Variants in ORC5 observed in about 807,000 individuals in gnomAD.
ORC5 encodes protein phosphatase 1, regulatory subunit 117.
Under a neutral mutation model 58.8 loss-of-function variants are expected in ORC5, and 39 were observed. That is an observed-to-expected ratio of 0.66 (90% CI 0.51 to 0.87). ORC5 has a LOEUF of 0.87. Ranked by LOEUF, ORC5 falls within the 40% of genes least tolerant of loss-of-function variation. The probability of loss-of-function intolerance (pLI) is 0.00; values close to 1 mark genes in which losing one functional copy is unlikely to be tolerated. For synonymous variants in ORC5, 218 were observed against 177.6 expected (o/e 1.23, Z -1.81); for missense variants, 493 against 506.3 (o/e 0.97, Z 0.25).
chr7:104,131,745 G>A (rs1024789680), intron 13 of ORC5, among the ~76,000 whole-genome samples: 2 of 151,934 alleles, frequency 1.3e-5, no homozygotes, highest in Non-Finnish European at 2.9e-5. Context: ...CCAGCTACTC[G>A]GGAGGCTGAA....
chr7:104,200,737 T>G, intron 3 of ORC5, 21 bp downstream of exon 3: 1 of 1,379,914 alleles, frequency 7.2e-7, no homozygotes, highest in East Asian at 2.3e-5. Context: ...AGAGATGATC[T>G]AATCAAATGA....
chr7:104,147,193 T>C (rs1437207969), intron 12 of ORC5, among the ~76,000 whole-genome samples: 2 of 149,234 alleles, frequency 1.3e-5, no homozygotes, highest in Non-Finnish European at 3.0e-5. Flanking sequence ...AGGCAGATGA[T>C]TAGTTATGAC....
intron 6 of ORC5, among the ~76,000 whole-genome samples, chr7:104,186,101 A>G (rs900683001): frequency 6.6e-6 from 1 of 152,200 alleles, no homozygotes; most frequent in African/African-American, 2.4e-5. Flanking sequence ...TAATAACACT[A>G]AAGTGTCATA....
intron 3 of ORC5, among the ~76,000 whole-genome samples, chr7:104,199,195 T>G (rs537081065): frequency 5.9e-5 from 9 of 152,142 alleles, no homozygotes; most frequent in African/African-American, 2.2e-4. Flanking sequence ...CACTGCCTAG[T>G]GGAGCTATGA....
intron 8 of ORC5, among the ~76,000 whole-genome samples, chr7:104,171,100 T>C (rs1241823143): frequency 6.6e-6 from 1 of 152,210 alleles, no homozygotes; most frequent in East Asian, 1.9e-4. Flanking sequence ...TCTTTGTCCA[T>C]TTATTCTAAG....
At chr7:104,132,645 A>G (rs1055849483) in intron 13 of ORC5, among the ~76,000 whole-genome samples, 1 of 152,228 alleles carries the variant, frequency 6.6e-6, no homozygotes, top group Admixed American at 6.5e-5. Flanking sequence ...TATTTAGCAC[A>G]TACTAAGTTT....
chr7:104,165,607 G>T, intron 10 of ORC5: 1 of 197,480 alleles, frequency 5.1e-6, no homozygotes, highest in Non-Finnish European at 1.0e-5. Flanking sequence ...CCAGAGATAT[G>T]GATTTTTATT....
chr7:104,201,054 A>G (rs1799931362), intron 2 of ORC5, 96 bp from the exon 3 acceptor site: 1 of 1,037,566 alleles, frequency 9.6e-7, no homozygotes, highest in East Asian at 2.6e-5. Flanking sequence ...TTCTAAATCT[A>G]TATCCCACCA....
In ORC5 at chr7:104,137,108, T is replaced by G. The variant is rs1236279227; in HGVS notation, c.1150-215A>C. Reference sequence around the variant, plus strand: ...TTGTCAGAGTCCTAGTTTTGTTTTTTTTTTTTTTCTTAGAGATATGGTCTC... The same window carrying G: ...TTGTCAGAGTCCTAGTTTTGTTTTTGTTTTTTTTCTTAGAGATATGGTCTC... On this transcript the variant is annotated intron_variant, in intron 12 of 13. Transcript: ENST00000297431. Among the ~76,000 whole-genome samples the G allele has an allele frequency of 4.6e-5, 7 of 151,638 alleles. 1 individual carries two copies. In the South Asian group the frequency reaches 1.3e-3, roughly 27 times the overall value.
chr7:104,207,976 G>C lies in ORC5; in HGVS notation c.-72C>G, dbSNP rs997423491. ...CCTTGCACAAGACGGAGCCTCTCCCGAGTCTGGCGGCCCACGCTCCCGCCG... is the reference window on the plus strand; with the variant it reads ...CCTTGCACAAGACGGAGCCTCTCCCCAGTCTGGCGGCCCACGCTCCCGCCG... On this transcript the variant is annotated 5_prime_UTR_variant, in exon 1 of 14. Coordinates refer to ENST00000297431, the MANE Select transcript of ORC5 (RefSeq NM_002553.4). 1.3e-5 allele frequency: 18 copies of C among 1,412,758 alleles called. No individual in the cohort carries two copies. Among genetic ancestry groups the C allele is most frequent in the Middle Eastern group, 1.8e-4 (1 of 5,544 alleles). The allele number at this position is 1,412,758 out of a possible 1,614,324, so 87.5% of individuals were successfully genotyped here.
At chr7:104,134,002 G>A (rs1798551716) in intron 13 of ORC5, among the ~76,000 whole-genome samples, 1 of 152,152 alleles carries the variant, frequency 6.6e-6, no homozygotes, top group South Asian at 2.1e-4. Flanking sequence ...GAAAGAAAGA[G>A]AAGATGGACA....
chr7:104,199,830 G>C (rs931737854), intron 3 of ORC5, among the ~76,000 whole-genome samples: 2 of 152,108 alleles, frequency 1.3e-5, no homozygotes, highest in Non-Finnish European at 2.9e-5. Flanking sequence ...GGAATGGTGT[G>C]GTCAGGCTTT....
intron 5 of ORC5, among the ~76,000 whole-genome samples, chr7:104,189,704 A>C (rs191182332): frequency 1.2e-3 from 175 of 152,128 alleles, no homozygotes; most frequent in African/African-American, 3.7e-3. Flanking sequence ...ACAGGGACAG[A>C]AGCTCCTGAG....
chr7:104,161,989 T>C (rs1562812771), intron 11 of ORC5, among the ~76,000 whole-genome samples: 3 of 152,174 alleles, frequency 2.0e-5, no homozygotes. Flanking sequence ...CTTAGAAAAC[T>C]AATAAAATAT....
At chr7:104,143,906 G>A (rs912169792) in intron 12 of ORC5, among the ~76,000 whole-genome samples, 1 of 152,028 alleles carries the variant, frequency 6.6e-6, no homozygotes, top group African/African-American at 2.4e-5. Context: ...ATCACTTGAG[G>A]CCAGGAGTTT....
At chr7:104,148,299 C>G (rs1047239535) in intron 12 of ORC5, among the ~76,000 whole-genome samples, 1 of 152,122 alleles carries the variant, frequency 6.6e-6, no homozygotes, top group South Asian at 2.1e-4. Context: ...CCTTATACTA[C>G]CCCAAACAAG....
At chr7:104,140,308 T>C (rs1183458417) in intron 12 of ORC5, among the ~76,000 whole-genome samples, 1 of 152,170 alleles carries the variant, frequency 6.6e-6, no homozygotes, top group Non-Finnish European at 1.5e-5. Context: ...TCTACTGTTA[T>C]ATTGACCTAT....
At chr7:104,126,991 T>A in intron 13 of ORC5, 98 bp from the exon 14 acceptor site, 2 of 791,386 alleles carry the variant, frequency 2.5e-6, no homozygotes, top group Non-Finnish European at 4.1e-6. Context: ...TCATGACTAA[T>A]GCTAAAAATC....
At chr7:104,130,040 G>GT (rs1798489924) in intron 13 of ORC5, among the ~76,000 whole-genome samples, 1 of 150,766 alleles carries the variant, frequency 6.6e-6, no homozygotes, top group Non-Finnish European at 1.5e-5. Context: ...TTTGTGGGCA[G>GT]TTTGAGTTTG....
Sources: gnomAD v4.1 joint callset for allele counts (sites outside exome capture counted in the v4.1 genomes callset) on GRCh38, gnomAD v4.1.1 for gene constraint, MANE v1.5 for transcripts, NCBI Gene and HGNC (gene_info 2026-07-23, HGNC 2026-07-21) for gene names.